The following MTRF1 variants were observed in gnomAD, a reference collection of about 807,000 sequenced individuals.
The protein encoded by MTRF1 is mitochondrial translation release factor 1.
Under a neutral mutation model 62.9 loss-of-function variants are expected in MTRF1, and 51 were observed. That is an observed-to-expected ratio of 0.81 (90% CI 0.65 to 1.02). MTRF1 has a LOEUF of 1.02. MTRF1 is among the 50% of genes least tolerant of loss of function. The pLI, the probability that MTRF1 is intolerant of heterozygous loss-of-function variation, is 0.00. For missense variants in MTRF1, 446 were observed against 530.0 expected, an observed-to-expected ratio of 0.84 and a Z score of 1.56; for synonymous variants, 158 against 181.9, an observed-to-expected ratio of 0.87 and a Z score of 1.06.
chr13:41,277,830 G>C, the MTRF1 span, among the ~76,000 whole-genome samples: 1 of 152,130 alleles, frequency 6.6e-6, no homozygotes, highest in Admixed American at 6.5e-5. Context: ...GTGACCAGCT[G>C]CCATCCTAAA....
the MTRF1 span, among the ~76,000 whole-genome samples, chr13:41,302,053 G>GT: frequency 5.3e-5 from 8 of 152,020 alleles, no homozygotes; most frequent in Admixed American, 6.6e-5. Flanking sequence ...TTGAGATGGA[G>GT]TCTCCCTCTG....
chr13:41,254,460 G>T, intron 3 of MTRF1, 69 bp downstream of exon 3: 1 of 1,127,328 alleles, frequency 8.9e-7, no homozygotes. Flanking sequence ...GAGCACCGAA[G>T]CAGAGTCTAG....
chr13:41,268,163 G>T (rs952409476), upstream of MTRF1, among the ~76,000 whole-genome samples: 2 of 152,114 alleles, frequency 1.3e-5, no homozygotes, highest in African/African-American at 4.8e-5. Context: ...TCTAACATCA[G>T]AAATGCTATT....
chr13:41,222,947 AT>A (rs1295315030), intron 9 of MTRF1, among the ~76,000 whole-genome samples: 1 of 152,212 alleles, frequency 6.6e-6, no homozygotes, highest in Non-Finnish European at 1.5e-5. Context: ...ATTCGTGGTA[AT>A]TTGTTACCTG....
At chr13:41,296,199 A>T in the MTRF1 span, among the ~76,000 whole-genome samples, 1 of 151,662 alleles carries the variant, frequency 6.6e-6, no homozygotes, top group East Asian at 1.9e-4. Context: ...TTCTGCCTTG[A>T]CCTCTCAATG....
rs144580915 is a variant in MTRF1 at position 41,260,271 on chromosome 13, G to A, written c.415+222C>T. Reference sequence around the variant, plus strand: ...TCCTAGCTACTCAGGATGCTGAAGTGGGGGGCCAGGACTTACAGGTTACAG... The same window carrying A: ...TCCTAGCTACTCAGGATGCTGAAGTAGGGGGCCAGGACTTACAGGTTACAG... On this transcript the variant is annotated intron_variant, in intron 2 of 9. Coordinates refer to ENST00000379480, the MANE Select transcript of MTRF1 (RefSeq NM_004294.4). Among the ~76,000 whole-genome samples the A allele has an allele frequency of 3.7e-3, 567 of 152,120 alleles. 4 individuals are homozygous for A. The highest frequency in any genetic ancestry group is 0.013 in the African/African-American group (552 of 41,492).
At chr13:41,257,783 GC>G in intron 2 of MTRF1, 1 of 450,716 alleles carries the variant, frequency 2.2e-6, no homozygotes, top group Non-Finnish European at 4.5e-6. Context: ...GGGCCACAGA[GC>G]AAGACTCTGT....
intron 8 of MTRF1, among the ~76,000 whole-genome samples, chr13:41,224,112 C>G (rs1182898922): frequency 6.6e-6 from 1 of 152,158 alleles, no homozygotes. Flanking sequence ...ACTAATAATA[C>G]TATGTCATTA....
At chr13:41,281,483 C>T in the MTRF1 span, among the ~76,000 whole-genome samples, 730 of 152,196 alleles carry the variant, frequency 4.8e-3, 5 homozygotes, top group South Asian at 0.011. Flanking sequence ...TTTGTAGTCC[C>T]GAGTGCTACC....
intron 9 of MTRF1, among the ~76,000 whole-genome samples, chr13:41,219,927 G>C (rs1021023694): frequency 6.8e-6 from 1 of 146,740 alleles, no homozygotes; most frequent in Non-Finnish European, 1.5e-5. Flanking sequence ...GAACCCAGCA[G>C]GTGGAGGTTG....
At chr13:41,228,621 C>A (rs974695913) in intron 7 of MTRF1, among the ~76,000 whole-genome samples, 1 of 132,168 alleles carries the variant, frequency 7.6e-6, no homozygotes, top group East Asian at 2.2e-4. Context: ...CTTTTACTCA[C>A]CAACTGGTAA....
chr13:41,292,131 G>C, the MTRF1 span, among the ~76,000 whole-genome samples: 483 of 152,180 alleles, frequency 3.2e-3, 1 homozygote, highest in African/African-American at 0.01. Flanking sequence ...AAGAGAGAGA[G>C]AGCGAGAGAG....
At chr13:41,290,150 G>A in the MTRF1 span, among the ~76,000 whole-genome samples, 97 of 136,914 alleles carry the variant, frequency 7.1e-4, no homozygotes, top group Middle Eastern at 4.1e-3. Flanking sequence ...AGGCTGGAGT[G>A]CAGTGGTGCA....
chr13:41,279,177 A>G, the MTRF1 span, among the ~76,000 whole-genome samples: 16 of 151,894 alleles, frequency 1.1e-4, no homozygotes, highest in African/African-American at 3.9e-4. Context: ...TTTAGTAGAG[A>G]TGGGGTTTCA....
At chr13:41,239,103 A>C (rs1054773277) in intron 6 of MTRF1, among the ~76,000 whole-genome samples, 2 of 148,482 alleles carry the variant, frequency 1.3e-5, no homozygotes, top group African/African-American at 2.5e-5. Flanking sequence ...ATCCTGGATA[A>C]AAAAAAAAAA....
the MTRF1 span, among the ~76,000 whole-genome samples, chr13:41,309,762 C>G: frequency 1.3e-5 from 2 of 151,930 alleles, no homozygotes; most frequent in African/African-American, 4.8e-5. Context: ...TTTGGAAGGC[C>G]GAGGTGGGCA....
chr13:41,221,792 C>G (rs1292058208), intron 9 of MTRF1, among the ~76,000 whole-genome samples: 4 of 150,562 alleles, frequency 2.7e-5, no homozygotes, highest in African/African-American at 4.9e-5. Flanking sequence ...TATTACTGGT[C>G]ATAAGAATGT....
the MTRF1 span, among the ~76,000 whole-genome samples, chr13:41,281,903 G>A: frequency 6.6e-6 from 1 of 152,094 alleles, no homozygotes; most frequent in Admixed American, 6.6e-5. Flanking sequence ...TTGGGAGGCC[G>A]AGGTGGGCAG....
At chr13:41,306,366 G>T in the MTRF1 span, among the ~76,000 whole-genome samples, 6 of 151,368 alleles carry the variant, frequency 4.0e-5, no homozygotes, top group Admixed American at 6.6e-5. Flanking sequence ...CCTGGGACAC[G>T]GAGTGAGACT....
Sources: allele counts gnomAD v4.1 joint callset (sites outside exome capture counted in the v4.1 genomes callset), GRCh38; gene constraint gnomAD v4.1.1; transcripts MANE v1.5; gene names NCBI Gene and HGNC (gene_info 2026-07-23, HGNC 2026-07-21).